BBS9: variants seen among roughly 807,000 people sequenced by gnomAD.
The protein encoded by BBS9 is protein PTHB1.
A neutral mutation model predicts 117.7 loss-of-function variants in BBS9; 89 were observed. The ratio of observed to expected loss-of-function variants is 0.76; its 90% CI spans 0.64 to 0.90. The LOEUF (loss-of-function observed/expected upper bound fraction) is 0.90, where lower values mean the gene tolerates loss of function less well. BBS9 is among the 40% of genes least tolerant of loss of function. The pLI, the probability that BBS9 is intolerant of heterozygous loss-of-function variation, is 0.00. For synonymous variants in BBS9, 379 were observed against 370.9 expected (o/e 1.02, Z -0.25); for missense variants, 982 against 1,042.2 (o/e 0.94, Z 0.80).
At chr7:33,144,709 A>T (rs1204087880) in intron 1 of BBS9, among the ~76,000 whole-genome samples, 1 of 152,186 alleles carries the variant, frequency 6.6e-6, no homozygotes, top group Non-Finnish European at 1.5e-5. Flanking sequence ...GCTGTGATGT[A>T]TCTTGTGGAG....
intron 1 of BBS9, among the ~76,000 whole-genome samples, chr7:33,135,873 T>G (rs1400386654): frequency 3.3e-5 from 5 of 152,186 alleles, no homozygotes; most frequent in Admixed American, 3.3e-4. Flanking sequence ...TTTCATAGTT[T>G]TCAGAGTATA....
chr7:33,472,757 G>A (rs1037803605), intron 19 of BBS9, among the ~76,000 whole-genome samples: 3 of 152,088 alleles, frequency 2.0e-5, no homozygotes, highest in South Asian at 2.1e-4. Flanking sequence ...CCTAACATAC[G>A]GTAGCATTAC....
intron 19 of BBS9, among the ~76,000 whole-genome samples, chr7:33,475,593 C>G (rs1013903437): frequency 2.0e-5 from 3 of 151,856 alleles, no homozygotes; most frequent in Admixed American, 6.6e-5. Context: ...TGCCTCTCCT[C>G]TAGTATGACG....
At chr7:33,153,266 C>A (rs919494476) in intron 3 of BBS9, among the ~76,000 whole-genome samples, 2 of 151,944 alleles carry the variant, frequency 1.3e-5, no homozygotes, top group Non-Finnish European at 2.9e-5. Context: ...GTAGAGATGC[C>A]CTATCGTTTC....
At chr7:33,409,089 A>G (rs77794538) in intron 19 of BBS9, among the ~76,000 whole-genome samples, 1 of 151,538 alleles carries the variant, frequency 6.6e-6, no homozygotes, top group East Asian at 1.9e-4. Flanking sequence ...ACATTCCTTT[A>G]TCTCATTCTT....
intron 4 of BBS9, among the ~76,000 whole-genome samples, chr7:33,158,409 C>A (rs551560418): frequency 6.6e-6 from 1 of 152,242 alleles, no homozygotes; most frequent in East Asian, 1.9e-4. Context: ...TATCCCAGGG[C>A]AAAACCTATG....
intron 9 of BBS9, among the ~76,000 whole-genome samples, chr7:33,278,572 A>G (rs1208599722): frequency 6.6e-6 from 1 of 152,132 alleles, no homozygotes; most frequent in East Asian, 1.9e-4. Flanking sequence ...CCATATCAGG[A>G]GGTGGCATTG....
At chr7:33,616,479 A>ATGTGTG (rs199968576) in intron 21 of BBS9, among the ~76,000 whole-genome samples, 1 of 142,490 alleles carries the variant, frequency 7.0e-6, no homozygotes, top group East Asian at 2.1e-4. Context: ...TATATAATAT[A>ATGTGTG]TGTGTGTGTG....
At chr7:33,382,264 A>G (rs944538692) in intron 17 of BBS9, among the ~76,000 whole-genome samples, 1 of 152,136 alleles carries the variant, frequency 6.6e-6, no homozygotes, top group African/African-American at 2.4e-5. Flanking sequence ...GTTTGAGACC[A>G]GCCTGACCAA....
chr7:33,532,837 T>C (rs1479837593), intron 20 of BBS9, among the ~76,000 whole-genome samples: 1 of 152,184 alleles, frequency 6.6e-6, no homozygotes, highest in African/African-American at 2.4e-5. Context: ...TTACTTCTAA[T>C]ATAAGGGACT....
chr7:33,280,304 G>A (rs1274711723), intron 9 of BBS9, among the ~76,000 whole-genome samples: 1 of 152,050 alleles, frequency 6.6e-6, no homozygotes, highest in East Asian at 1.9e-4. Flanking sequence ...CCAATAAGTA[G>A]GTGTTCCACC....
At position 33,546,550 on chromosome 7, in the gene BBS9, CTA is replaced by C. The variant is rs1369597349; in HGVS notation, c.2521+12376_2521+12377del. Among the ~76,000 whole-genome samples, 7 of 152,292 alleles carry C rather than the reference CTA, an allele frequency of 4.6e-5. No individual in the cohort carries two copies. The East Asian group carries it at 1.2e-3, about 25-fold the overall frequency. On this transcript the variant is annotated intron_variant, in intron 21 of 22. Coordinates refer to ENST00000242067, the MANE Select transcript of BBS9 (RefSeq NM_198428.3). ...ATACTATGTTCTTTACATAGAAATA[CTA>C]TGTTATTTTACTAGAACATTATTTT...
At chr7:33,245,023 A>G (rs1358882007) in intron 5 of BBS9, among the ~76,000 whole-genome samples, 1 of 152,120 alleles carries the variant, frequency 6.6e-6, no homozygotes, top group Non-Finnish European at 1.5e-5. Context: ...AAAGAAAAAG[A>G]CTTTGTACCC....
intron 19 of BBS9, among the ~76,000 whole-genome samples, chr7:33,433,122 T>C (rs1336517572): frequency 1.3e-5 from 2 of 152,240 alleles, no homozygotes; most frequent in Non-Finnish European, 2.9e-5. Context: ...ATGTGGGCTA[T>C]AATTAACTCT....
At chr7:33,245,242 A>AT (rs1423222196) in intron 5 of BBS9, among the ~76,000 whole-genome samples, 1 of 37,472 alleles carries the variant, frequency 2.7e-5, no homozygotes, top group Non-Finnish European at 4.6e-5. Flanking sequence ...TTTATTTCCT[A>AT]TATTTTTTAT....
chr7:33,517,370 G>A (rs1847949170), intron 20 of BBS9, among the ~76,000 whole-genome samples: 1 of 152,158 alleles, frequency 6.6e-6, no homozygotes, highest in Admixed American at 6.5e-5. Flanking sequence ...CTCAACACCT[G>A]CAGTTTTTTG....
At chr7:33,569,924 G>C (rs1232385173) in intron 21 of BBS9, among the ~76,000 whole-genome samples, 1 of 152,156 alleles carries the variant, frequency 6.6e-6, no homozygotes, top group Admixed American at 6.5e-5. Flanking sequence ...AACATACCTG[G>C]TGCCCAGATT....
chr7:33,135,328 A>G (rs943668215), intron 1 of BBS9, among the ~76,000 whole-genome samples: 3 of 152,222 alleles, frequency 2.0e-5, no homozygotes, highest in African/African-American at 7.2e-5. Flanking sequence ...ATTAGCTTAT[A>G]CTTAGATCTT....
At chr7:33,550,918 T>G (rs1408447767) in intron 21 of BBS9, among the ~76,000 whole-genome samples, 2 of 152,150 alleles carry the variant, frequency 1.3e-5, no homozygotes, top group Non-Finnish European at 2.9e-5. Context: ...AATGCTTAAT[T>G]TTTTATTTAA....
Sources: allele counts gnomAD v4.1 joint callset (sites outside exome capture counted in the v4.1 genomes callset), GRCh38; gene constraint gnomAD v4.1.1; transcripts MANE v1.5; gene names NCBI Gene and HGNC (gene_info 2026-07-23, HGNC 2026-07-21).